Variants in CPT2 observed in about 807,000 individuals in gnomAD.
The protein encoded by CPT2 is carnitine palmitoyltransferase 2.
In CPT2, 37 loss-of-function variants were observed where a neutral mutation model predicts 48.6. The ratio of observed to expected loss-of-function variants is 0.76; its 90% confidence interval spans 0.59 to 1.00. The LOEUF (loss-of-function observed/expected upper bound fraction) is 1.00, where lower values mean the gene tolerates loss of function less well. CPT2 is among the 50% of genes least tolerant of loss of function. The pLI is 0.00. For missense variants in CPT2, 772 were observed against 825.6 expected (o/e 0.94, Z 0.80); for synonymous variants, 319 against 326.9 (o/e 0.98, Z 0.26).
chr1:53,209,509 A>G (rs370746144), intron 3 of CPT2: 18 of 182,666 alleles, frequency 9.9e-5, no homozygotes, highest in Middle Eastern at 5.2e-3. Context: ...ATGCTACAAC[A>G]TGGATGAACC....
At chr1:53,212,695 A>G (rs948204916) in intron 4 of CPT2, 15 of 403,586 alleles carry the variant, frequency 3.7e-5, no homozygotes, top group Non-Finnish European at 6.1e-5. Flanking sequence ...CTGGAGGGTC[A>G]TAGTTGTCCT....
At chr1:53,200,408 G>A in intron 1 of CPT2, 1 of 333,512 alleles carries the variant, frequency 3.0e-6, no homozygotes, top group Non-Finnish European at 5.8e-6. Context: ...TAGCACAGGT[G>A]TTATCATTGT....
rs2100272135 is a variant in CPT2, at chr1:53,210,257, G to C, written c.583G>C (p.Val195Leu). 1 of 1,614,126 alleles carries C rather than the reference G, an allele frequency of 6.2e-7. No homozygotes were observed. The highest frequency in any genetic ancestry group is 1.1e-5 in the South Asian group (1 of 91,086). ...CACCTTCAAGAGACTCATACGCTTT[G>C]TGCCTTCCTCTCTGTCCTGGTATGG... ...TITFKRLIRF[V>L]PSSLSWYGAY... Residue 195 changes from valine (V) to leucine (L), a missense_variant, in exon 4 of 5, where the codon GTG becomes CTG. Physicochemically the swap from Val to Leu is conservative, Grantham distance 32. Transcript: ENST00000371486.
At position 53,210,205 on chromosome 1, in the gene CPT2, C is replaced by A. The variant is rs1446192074; in HGVS notation, c.531C>A (p.His177Gln). 4.3e-6 allele frequency: 7 copies of A among 1,614,066 alleles called. No homozygotes were observed. Among genetic ancestry groups the A allele is most frequent in the African/African-American group, 1.3e-5 (1 of 74,926 alleles). Reference protein sequence around the residue: ...RAGLLEPEVFHLNPAKSDTIT... With the variant: ...RAGLLEPEVFQLNPAKSDTIT... ...GCCTTCTGGAGCCAGAAGTGTTCCACTTGAACCCTGCAAAAAGTGACACTA... is the reference window on the plus strand; with the variant it reads ...GCCTTCTGGAGCCAGAAGTGTTCCAATTGAACCCTGCAAAAAGTGACACTA... The change falls in exon 4 of 5, where the codon CAC becomes CAA. Residue 177 changes from histidine to glutamine, a missense_variant. By Grantham distance (24) the His-to-Gln change is conservative. Coordinates refer to ENST00000371486, the MANE Select transcript of CPT2 (RefSeq NM_000098.3).
In CPT2 at chr1:53,202,325, A is replaced by C. The variant is rs150888506; in HGVS notation, c.236A>C (p.Lys79Thr). 604 of 1,612,694 alleles carry C rather than the reference A, an allele frequency of 3.7e-4. 3 individuals carry two copies. Among genetic ancestry groups the C allele is most frequent in the Non-Finnish European group, 4.3e-4 (508 of 1,178,790 alleles). ...KPLLNDGQFR[K>T]TEQFCKSFEN... ...TTGTCTTTTCTTGAATGTTTTAGGA[A>C]AACAGAACAATTTTGCAAGAGTTTT... The change falls in exon 3 of 5, where the codon AAA (lysine) becomes ACA (threonine). Residue 79 changes from lysine to threonine, a missense_variant and splice_region_variant. Lys to Thr is a moderately conservative substitution (Grantham distance 78, BLOSUM62 -1). Coordinates refer to ENST00000371486, the MANE Select transcript of CPT2 (RefSeq NM_000098.3).
Position 53,211,141 on chromosome 1 carries a change from T to TAGCACTGCCGCATTCA in CPT2, c.1473_1488dup (p.Gly497CysfsTer9). The TAGCACTGCCGCATTCA allele has an allele frequency of 6.2e-7, 1 of 1,613,348 alleles. No individual in the cohort carries two copies. On this transcript the variant is annotated frameshift_variant, in exon 4 of 5. Coordinates refer to ENST00000371486, the MANE Select transcript of CPT2 (RefSeq NM_000098.3). LOFTEE classifies it high-confidence loss of function. ...AGACAGTGGCCACCTACGAGTCCTGTAGCACTGCCGCATTCAAGCACGGCC... is the reference window on the plus strand; with the variant it reads ...AGACAGTGGCCACCTACGAGTCCTGTAGCACTGCCGCATTCAAGCACTGCCGCATTCAAGCACGGCC...
chr1:53,197,917 C>G (rs1645333669), intron 1 of CPT2, among the ~76,000 whole-genome samples: 2 of 152,104 alleles, frequency 1.3e-5, no homozygotes, highest in African/African-American at 4.8e-5. Context: ...CTCTTCTCCT[C>G]CTCACCACTG....
chr1:53,207,816 G>A (rs1296838877), intron 3 of CPT2: 1 of 152,080 alleles, frequency 6.6e-6, no homozygotes, highest in African/African-American at 2.4e-5. Context: ...GAGTGAGGAG[G>A]GAATCTCAGG....
chr1:53,210,169 A>T lies in CPT2; in HGVS notation c.495A>T (p.Thr165=), dbSNP rs1057523519. 2 of 1,613,974 alleles carry T rather than the reference A, an allele frequency of 1.2e-6. No homozygotes were observed. Among genetic ancestry groups the T allele is most frequent in the Non-Finnish European group, 1.7e-6 (2 of 1,180,012 alleles). The change falls in exon 4 of 5, where the codon ACA becomes ACT. Residue 165 remains threonine, a synonymous_variant. Coordinates refer to ENST00000371486, the MANE Select transcript of CPT2 (RefSeq NM_000098.3). ...TTTCTGCCATCCGGTTTCTGAAGACACTCCGGGCTGGCCTTCTGGAGCCAG... is the reference window on the plus strand; with the variant it reads ...TTTCTGCCATCCGGTTTCTGAAGACTCTCCGGGCTGGCCTTCTGGAGCCAG... ...MTVSAIRFLK[T]LRAGLLEPEV...
chr1:53,213,887 C>G lies in CPT2; in HGVS notation c.*292C>G, dbSNP rs1013716292. 13 of 401,654 alleles carry G rather than the reference C, an allele frequency of 3.2e-5. No individual in the cohort carries two copies. The highest frequency in any genetic ancestry group is 2.7e-4 in the African/African-American group (13 of 48,682). The allele number at this position is 401,654 out of a possible 1,614,324, so 24.9% of individuals were successfully genotyped here. On this transcript the variant is annotated 3_prime_UTR_variant, in exon 5 of 5. Coordinates refer to ENST00000371486, the MANE Select transcript of CPT2 (RefSeq NM_000098.3). ...GTTGCAGTGAGCTGAGATCACACCA[C>G]TGCACTCCGGCCTGGGCGACAGAGC...
chr1:53,199,097 G>T (rs562920307), intron 1 of CPT2, among the ~76,000 whole-genome samples: 4 of 152,180 alleles, frequency 2.6e-5, no homozygotes, highest in African/African-American at 9.6e-5. Context: ...GTCTCGCTCT[G>T]TTGCCCAGGC....
intron 4 of CPT2, 103 bp from the exon 5 acceptor site, chr1:53,213,161 C>G: frequency 4.4e-6 from 5 of 1,139,484 alleles, no homozygotes; most frequent in Non-Finnish European, 6.5e-6. Flanking sequence ...CCCCCACTCT[C>G]AAGGATGCTG....
intron 3 of CPT2, chr1:53,202,728 C>T (rs907977127): frequency 2.4e-6 from 1 of 409,442 alleles, no homozygotes; most frequent in African/African-American, 2.0e-5. Context: ...TGTCCTATAT[C>T]ATTCTGGGTC....
At chr1:53,211,348 G>A in intron 4 of CPT2, 29 bp downstream of exon 4, 1 of 1,561,140 alleles carries the variant, frequency 6.4e-7, no homozygotes, top group Non-Finnish European at 8.7e-7. Flanking sequence ...GCATGCCCTT[G>A]GGTCTTGTCC....
chr1:53,205,819 G>C (rs1645383971), intron 3 of CPT2, among the ~76,000 whole-genome samples: 1 of 152,228 alleles, frequency 6.6e-6, no homozygotes, highest in South Asian at 2.1e-4. Context: ...GAGGGTGCAA[G>C]CCCCAAGCAT....
rs199996641 is a variant in CPT2, at chr1:53,213,297, G to A, written c.1679G>A (p.Arg560Gln). The A allele has an allele frequency of 7.2e-5, 117 of 1,614,166 alleles. No homozygotes were observed. The highest frequency in any genetic ancestry group is 1.0e-4 in the Admixed American group (6 of 60,026). Residue 560 changes from arginine (R) to glutamine (Q), a missense_variant, in exon 5 of 5, where the codon CGG becomes CAG. By Grantham distance (43) the Arg-to-Gln change is conservative. Transcript: ENST00000371486. Reference protein sequence around the residue: ...QGFDRHLFALRHLAAAKGIIL... With the variant: ...QGFDRHLFALQHLAAAKGIIL... ...TTTGACCGACACTTGTTTGCTCTGCGGCATCTGGCAGCAGCCAAAGGGATC... is the reference window on the plus strand; with the variant it reads ...TTTGACCGACACTTGTTTGCTCTGCAGCATCTGGCAGCAGCCAAAGGGATC...
At chr1:53,201,951 A>G (rs1283543193) in intron 2 of CPT2, 3 of 282,488 alleles carry the variant, frequency 1.1e-5, no homozygotes, top group Admixed American at 9.8e-5. Context: ...TTACACATCA[A>G]GAAACCGAGA....
chr1:53,211,120 A>G lies in CPT2; in HGVS notation c.1446A>G (p.Thr482=), dbSNP rs1275085082. ...QMAFLRQYGQ[T]VATYESCSTA... ...CCTTCCTGCGGCAGTACGGGCAGAC[A>G]GTGGCCACCTACGAGTCCTGTAGCA... Residue 482 remains threonine (T), a synonymous_variant, in exon 4 of 5, where the codon ACA becomes ACG. Coordinates refer to ENST00000371486, the MANE Select transcript of CPT2 (RefSeq NM_000098.3). The G allele has an allele frequency of 6.2e-7, 1 of 1,614,096 alleles. No homozygotes were observed. The highest frequency in any genetic ancestry group is 1.1e-5 in the South Asian group (1 of 91,060).
intron 4 of CPT2, chr1:53,212,830 CTG>C: frequency 2.3e-6 from 1 of 441,210 alleles, no homozygotes; most frequent in Non-Finnish European, 4.0e-6. Context: ...AGTAGTAAGA[CTG>C]AGATTCGAAC....
Sources: gnomAD v4.1 joint callset for allele counts (sites outside exome capture counted in the v4.1 genomes callset) on GRCh38, gnomAD v4.1.1 for gene constraint, MANE v1.5 for transcripts, NCBI Gene and HGNC (gene_info 2026-07-23, HGNC 2026-07-21) for gene names.